Variants in GTF3C2 observed in about 807,000 individuals in gnomAD.
GTF3C2 encodes general transcription factor 3C polypeptide 2.
GTF3C2 carries 17 observed loss-of-function variants against 117.4 expected under a neutral mutation model. The ratio of observed to expected loss-of-function variants is 0.14; its 90% CI spans 0.10 to 0.22. The LOEUF is 0.22. GTF3C2 is among the 10% of genes least tolerant of loss of function. The pLI, the probability that GTF3C2 is intolerant of heterozygous loss-of-function variation, is 1.00. For missense variants in GTF3C2, 888 were observed against 1,143.6 expected (o/e 0.78, Z 3.22); for synonymous variants, 437 against 427.0 (o/e 1.02, Z -0.29).
chr2:27,344,841 C>T (rs536036585), intron 1 of GTF3C2, among the ~76,000 whole-genome samples: 33 of 151,870 alleles, frequency 2.2e-4, no homozygotes, highest in Non-Finnish European at 4.1e-4. Context: ...AAAAGTTAGC[C>T]GGGCATGGTG....
At chr2:27,326,770 T>C in exon 19 of GTF3C2, 1 of 1,613,980 alleles carries the variant, frequency 6.2e-7, no homozygotes. Context: ...TGGGCTCGGC[T>C]TTCAAGCTGC....
At position 27,329,520 on chromosome 2, in the gene GTF3C2, A is replaced by T. The variant is rs1186758244; in HGVS notation, c.1736T>A (p.Met579Lys). The T allele has an allele frequency of 6.2e-7, 1 of 1,613,866 alleles. No individual in the cohort carries two copies. The highest frequency in any genetic ancestry group is 8.5e-7 in the Non-Finnish European group (1 of 1,179,902). ...AGTGGGAAGGTTCCAGAAAACCACC[A>T]TGCCTGAAATAAGGACAGAATGTGT... Residue 579 changes from methionine (M) to lysine (K), a missense_variant, in exon 13 of 19, where the codon ATG becomes AAG. This residue lies in a region of GTF3C2 where 277 missense variants were observed against 445.4 expected (regional missense o/e 0.62). Transcript: ENST00000264720. The surrounding 1 kb of genome is among the most constrained non-coding windows in gnomAD (Gnocchi z 4.5).
intron 1 of GTF3C2, among the ~76,000 whole-genome samples, chr2:27,348,137 G>T (rs1052100653): frequency 1.3e-5 from 2 of 152,076 alleles, no homozygotes; most frequent in African/African-American, 2.4e-5. Context: ...GTGTGGTGCC[G>T]CGTGCCTTAA....
chr2:27,339,169 G>C (rs1680618343), intron 4 of GTF3C2, among the ~76,000 whole-genome samples: 1 of 152,050 alleles, frequency 6.6e-6, no homozygotes, highest in African/African-American at 2.4e-5. Context: ...AGCACTTTGG[G>C]AGGCCGAGGC....
intron 1 of GTF3C2, among the ~76,000 whole-genome samples, chr2:27,352,660 TAAATA>T (rs1681175366): frequency 6.6e-6 from 1 of 152,170 alleles, no homozygotes; most frequent in South Asian, 2.1e-4. Flanking sequence ...TTTTAAGACA[TAAATA>T]AAAGTATATA....
intron 1 of GTF3C2, among the ~76,000 whole-genome samples, chr2:27,352,540 C>T (rs1342444333): frequency 6.6e-6 from 1 of 152,146 alleles, no homozygotes; most frequent in African/African-American, 2.4e-5. Context: ...TTTCTATTGG[C>T]TCCTTCCAAA....
intron 1 of GTF3C2, chr2:27,350,537 T>C (rs1681093250): frequency 1.0e-6 from 1 of 984,558 alleles, no homozygotes; most frequent in Non-Finnish European, 1.2e-6. Context: ...CAGTGGCTCA[T>C]GCCTGTAATC....
chr2:27,332,144 T>C (rs796461093), intron 12 of GTF3C2, among the ~76,000 whole-genome samples: 14 of 152,148 alleles, frequency 9.2e-5, no homozygotes, highest in East Asian at 3.9e-4. Flanking sequence ...ATTTAATACA[T>C]TTTTAGAATA....
chr2:27,341,924 C>T lies in GTF3C2; in HGVS notation c.855+24G>A, dbSNP rs781584004. On this transcript the variant is annotated intron_variant, in intron 4 of 18. Transcript: ENST00000264720. ...CCTAAAATCCTACTATGTCCCCATT[C>T]ACTTTCTTGTCCATTGAGGTTACCC... is the stretch of plus-strand genomic sequence containing the variant. 17 of 1,598,964 alleles carry T rather than the reference C, an allele frequency of 1.1e-5. No individual in the cohort carries two copies. The African/African-American group carries it at 1.6e-4, about 15-fold the overall frequency.
In GTF3C2 at chr2:27,326,793, A is replaced by G. The variant is rs759461209; in HGVS notation, c.2618T>C (p.Leu873Pro). The G allele has an allele frequency of 6.2e-6, 10 of 1,613,974 alleles. No individual in the cohort carries two copies. The Admixed American group carries it at 1.5e-4, about 24-fold the overall frequency. ...GCTTTCAAGCTGCATACGGTGGCCC[A>G]GTGGGGAGGCGAGTCCACGGACAAA... The change falls in exon 19 of 19, where the codon CTG (leucine) becomes CCG (proline). Residue 873 changes from leucine (L) to proline (P), a missense_variant. Physicochemically the swap from Leu to Pro is moderately conservative, Grantham distance 98 (BLOSUM62 -3). Transcript: ENST00000264720.
exon 6 of GTF3C2, chr2:27,337,551 G>T (rs1680532766): frequency 2.5e-6 from 4 of 1,605,142 alleles, no homozygotes; most frequent in Non-Finnish European, 3.4e-6. Flanking sequence ...GAATGTTTCT[G>T]CTCTCGGCTG....
chr2:27,335,875 G>A (rs1406580978), intron 9 of GTF3C2, 42 bp downstream of exon 9: 1 of 1,353,388 alleles, frequency 7.4e-7, no homozygotes, highest in South Asian at 1.2e-5. Flanking sequence ...CTTTGTCCTG[G>A]CTTTGAGTCC....
chr2:27,327,640 T>C (rs1680130583), intron 17 of GTF3C2, among the ~76,000 whole-genome samples: 1 of 147,162 alleles, frequency 6.8e-6, no homozygotes, highest in Admixed American at 6.8e-5. Flanking sequence ...TTTTTTTTTT[T>C]TTTTTTGAGA....
chr2:27,331,833 A>G (rs1680281452), intron 12 of GTF3C2, among the ~76,000 whole-genome samples: 1 of 151,948 alleles, frequency 6.6e-6, no homozygotes, highest in East Asian at 2.0e-4. Flanking sequence ...CAACTACTCC[A>G]GAGGCTGAGG....
In GTF3C2 at chr2:27,355,986, A is replaced by G. The variant is rs569068790; in HGVS notation, c.-25+753T>C. The G allele has an allele frequency of 3.7e-4, 244 of 667,692 alleles. 4 individuals are homozygous for G. Among genetic ancestry groups the G allele is most frequent in the South Asian group, 3.5e-3 (237 of 68,440 alleles). The allele number at this position is 667,692 out of a possible 1,614,324, so 41.4% of individuals were successfully genotyped here. ...TAAGTCAATTTAAAGAGAACTATTC[A>G]GAAAACAATAGTACAATTGATAAGA... On this transcript the variant is annotated intron_variant, in intron 1 of 18. Transcript: ENST00000264720.
At chr2:27,327,314 A>G (rs1157650779) in intron 17 of GTF3C2, 30 bp from the exon 18 acceptor site, 1 of 1,157,326 alleles carries the variant, frequency 8.6e-7, no homozygotes, top group South Asian at 1.3e-5. Context: ...TAGGAGAGAG[A>G]AAGTGAGACG....
At chr2:27,338,098 GT>G (rs1416527238) in intron 4 of GTF3C2, 78 bp from the exon 5 acceptor site, 2 of 868,332 alleles carry the variant, frequency 2.3e-6, no homozygotes, top group East Asian at 4.8e-5. Context: ...CTCTTTCCCA[GT>G]TTTTATCTTC....
intron 10 of GTF3C2, 130 bp downstream of exon 10, chr2:27,335,466 GGT>G (rs745437950): frequency 1.8e-5 from 13 of 712,818 alleles, no homozygotes; most frequent in Non-Finnish European, 2.3e-5. Flanking sequence ...CACAATGCAG[GGT>G]GTGTGTGTGG....
chr2:27,342,319 A>C (rs947850574), intron 3 of GTF3C2, 86 bp from the exon 4 acceptor site: 1 of 1,081,436 alleles, frequency 9.2e-7, no homozygotes, highest in Non-Finnish European at 1.3e-6. Flanking sequence ...ATCTCAATGG[A>C]GCCTCCCAAT....
Sources: gnomAD v4.1 joint callset for allele counts (sites outside exome capture counted in the v4.1 genomes callset) on GRCh38, gnomAD v4.1.1 for gene constraint, gnomAD v4.1.1 regional missense constraint, Gnocchi (gnomAD v3.1) non-coding constraint, MANE v1.5 for transcripts, NCBI Gene and HGNC (gene_info 2026-07-23, HGNC 2026-07-21) for gene names.